Variants in EEPD1 observed in about 807,000 individuals in gnomAD.
The protein encoded by EEPD1 is endonuclease/exonuclease/phosphatase family domain-containing protein 1.
EEPD1 carries 17 observed loss-of-function variants against 46.3 expected under a neutral mutation model. The observed-to-expected ratio is 0.37, with a 90% CI of 0.25 to 0.55. EEPD1 has a LOEUF of 0.55. EEPD1 is among the 20% of genes least tolerant of loss of function. EEPD1 has a pLI of 0.83. For missense variants in EEPD1, 673 were observed against 745.6 expected (o/e 0.90, Z 1.13); for synonymous variants, 313 against 315.6 (o/e 0.99, Z 0.09).
chr7:36,180,971 C>G (rs535988160), intron 2 of EEPD1, among the ~76,000 whole-genome samples: 3 of 152,194 alleles, frequency 2.0e-5, no homozygotes, highest in South Asian at 2.1e-4. Context: ...CCCACACTTT[C>G]ACTGCCCCCA....
intron 3 of EEPD1, among the ~76,000 whole-genome samples, chr7:36,267,942 A>C (rs772965537): frequency 6.6e-6 from 1 of 152,214 alleles, no homozygotes; most frequent in African/African-American, 2.4e-5. Context: ...GGACACAGGA[A>C]GAAGGTGACC....
At chr7:36,261,857 A>G (rs1363795725) in intron 3 of EEPD1, among the ~76,000 whole-genome samples, 1 of 152,222 alleles carries the variant, frequency 6.6e-6, no homozygotes, top group Non-Finnish European at 1.5e-5. Flanking sequence ...TCACATTGCT[A>G]ACAATGCATT....
chr7:36,230,470 G>A (rs1484182533), intron 2 of EEPD1, among the ~76,000 whole-genome samples: 1 of 152,012 alleles, frequency 6.6e-6, no homozygotes, highest in African/African-American at 2.4e-5. Flanking sequence ...CCTACCTTCA[G>A]TCCTGCCTCC....
rs186563726 is a variant in EEPD1, at chr7:36,208,894, G to T, written c.879-30091G>T. On this transcript the variant is annotated intron_variant, in intron 2 of 7. Coordinates refer to ENST00000242108, the MANE Select transcript of EEPD1 (RefSeq NM_030636.3). ...CCCTGCCCATGGTCTATGAAATGAGGATTCAAACGGGGTCCAGCAGTCTGT... is the reference window on the plus strand; with the variant it reads ...CCCTGCCCATGGTCTATGAAATGAGTATTCAAACGGGGTCCAGCAGTCTGT... Among the ~76,000 whole-genome samples, 11 of 152,310 alleles carry T rather than the reference G, an allele frequency of 7.2e-5. No individual in the cohort carries two copies. The East Asian group carries it at 1.7e-3, about 24-fold the overall frequency.
At chr7:36,181,732 G>A (rs374501833) in intron 2 of EEPD1, among the ~76,000 whole-genome samples, 19 of 152,296 alleles carry the variant, frequency 1.2e-4, no homozygotes, top group South Asian at 2.1e-4. Context: ...TCAGCATCAC[G>A]GAGCAGTGGG....
At chr7:36,156,147 T>G (rs1448379240) in intron 2 of EEPD1, among the ~76,000 whole-genome samples, 1 of 152,182 alleles carries the variant, frequency 6.6e-6, no homozygotes, top group Non-Finnish European at 1.5e-5. Flanking sequence ...CTCGTTGATT[T>G]CCTTTGCACT....
intron 2 of EEPD1, among the ~76,000 whole-genome samples, chr7:36,203,126 T>C (rs1785744479): frequency 6.6e-6 from 1 of 152,190 alleles, no homozygotes; most frequent in African/African-American, 2.4e-5. Context: ...TGCCTGGAGA[T>C]GCAGGGTCAG....
At chr7:36,278,217 C>A (rs910160498) in intron 3 of EEPD1, among the ~76,000 whole-genome samples, 3 of 152,184 alleles carry the variant, frequency 2.0e-5, no homozygotes, top group Non-Finnish European at 4.4e-5. Context: ...TCAGTGCTGT[C>A]AGCCTGGGCC....
chr7:36,288,763 T>TAA (rs200857063), intron 6 of EEPD1, among the ~76,000 whole-genome samples: 14 of 135,578 alleles, frequency 1.0e-4, no homozygotes, highest in African/African-American at 3.3e-4. Context: ...CCCCATCTCT[T>TAA]AAAAAAAAAA....
chr7:36,242,932 A>G (rs922376018), intron 3 of EEPD1, among the ~76,000 whole-genome samples: 19 of 152,228 alleles, frequency 1.2e-4, no homozygotes, highest in African/African-American at 3.6e-4. Flanking sequence ...CTGTCTCAAA[A>G]AATAAAGGAT....
intron 2 of EEPD1, among the ~76,000 whole-genome samples, chr7:36,220,669 G>A (rs1390109597): frequency 6.6e-6 from 1 of 152,190 alleles, no homozygotes; most frequent in Non-Finnish European, 1.5e-5. Flanking sequence ...ATATCCTGCA[G>A]AGAACATGAA....
At chr7:36,252,382 A>G (rs1160572275) in intron 3 of EEPD1, among the ~76,000 whole-genome samples, 2 of 152,082 alleles carry the variant, frequency 1.3e-5, no homozygotes, top group Non-Finnish European at 2.9e-5. Flanking sequence ...GTTAGCATCA[A>G]CTAGAGAGAG....
intron 2 of EEPD1, among the ~76,000 whole-genome samples, chr7:36,202,522 C>T (rs556982249): frequency 1.2e-3 from 181 of 152,234 alleles, no homozygotes; most frequent in African/African-American, 3.9e-3. Context: ...GAGCTGGCAT[C>T]CAGGCTCTGC....
At chr7:36,249,406 G>A (rs1706116472) in intron 3 of EEPD1, among the ~76,000 whole-genome samples, 1 of 152,104 alleles carries the variant, frequency 6.6e-6, no homozygotes, top group South Asian at 2.1e-4. Flanking sequence ...CTGTGATCCG[G>A]TTCCTGGGAC....
At chr7:36,208,775 A>G (rs1400782142) in intron 2 of EEPD1, among the ~76,000 whole-genome samples, 1 of 152,206 alleles carries the variant, frequency 6.6e-6, no homozygotes, top group Non-Finnish European at 1.5e-5. Flanking sequence ...ACAACTAAGC[A>G]TATCCTCATT....
intron 3 of EEPD1, among the ~76,000 whole-genome samples, chr7:36,280,034 G>A (rs973364321): frequency 2.6e-5 from 4 of 152,208 alleles, no homozygotes; most frequent in African/African-American, 9.7e-5. Context: ...GAATCAGTGC[G>A]CTGGTGGGAG....
chr7:36,266,241 A>G (rs972645357), intron 3 of EEPD1, among the ~76,000 whole-genome samples: 2 of 152,220 alleles, frequency 1.3e-5, no homozygotes, highest in African/African-American at 4.8e-5. Flanking sequence ...TAATTTGGAA[A>G]GAAGTATTTA....
chr7:36,242,885 C>T (rs984153165), intron 3 of EEPD1, among the ~76,000 whole-genome samples: 10 of 151,644 alleles, frequency 6.6e-5, no homozygotes, highest in Non-Finnish European at 1.3e-4. Flanking sequence ...GCCGAGATCG[C>T]CCCACTGCAC....
intron 2 of EEPD1, among the ~76,000 whole-genome samples, chr7:36,235,396 T>C (rs1195480974): frequency 2.0e-5 from 3 of 152,258 alleles, no homozygotes; most frequent in Non-Finnish European, 4.4e-5. Flanking sequence ...GGAAACCAGC[T>C]AGTCATCTCT....
Sources: gnomAD v4.1 joint callset for allele counts (sites outside exome capture counted in the v4.1 genomes callset) on GRCh38, gnomAD v4.1.1 for gene constraint, MANE v1.5 for transcripts, NCBI Gene and HGNC (gene_info 2026-07-23, HGNC 2026-07-21) for gene names.